DPF2: variants seen among roughly 807,000 people sequenced by gnomAD.
DPF2 encodes the protein double PHD fingers 2.
A neutral mutation model predicts 59.6 loss-of-function variants in DPF2; 10 were observed. That is an observed-to-expected ratio of 0.17 (90% CI 0.10 to 0.28). The LOEUF (loss-of-function observed/expected upper bound fraction) is 0.28, where lower values mean the gene tolerates loss of function less well. Among genes scored for constraint, DPF2 ranks in the 10% least tolerant of loss-of-function variants. The pLI is 1.00. For missense variants in DPF2, 315 were observed against 509.4 expected, an observed-to-expected ratio of 0.62 and a Z score of 3.67; for synonymous variants, 189 against 190.6, an observed-to-expected ratio of 0.99 and a Z score of 0.07.
intron 6 of DPF2, 178 bp downstream of exon 6, chr11:65,344,247 C>T (rs567348552): frequency 4.9e-5 from 32 of 656,406 alleles, no homozygotes; most frequent in Non-Finnish European, 7.4e-5. Context: ...TGCTATATGA[C>T]GGGTGGGACC....
intron 1 of DPF2, 84 bp downstream of exon 1, chr11:65,334,002 C>G: frequency 6.4e-7 from 1 of 1,556,324 alleles, no homozygotes; most frequent in Non-Finnish European, 8.7e-7. Context: ...AGGGACTAGG[C>G]GGAGAGAGGG....
At chr11:65,342,966 C>T (rs1200514014) in intron 4 of DPF2, among the ~76,000 whole-genome samples, 3 of 148,724 alleles carry the variant, frequency 2.0e-5, no homozygotes, top group Non-Finnish European at 3.0e-5. Flanking sequence ...TGCACTCCAG[C>T]CTAGGTGACA....
intron 6 of DPF2, 26 bp from the exon 7 acceptor site, chr11:65,345,640 T>G (rs983693704): frequency 6.2e-7 from 1 of 1,613,508 alleles, no homozygotes; most frequent in Non-Finnish European, 8.5e-7. Context: ...CCTAACACCT[T>G]TCTCTGCAAT....
In DPF2 at chr11:65,348,737, C is replaced by T. The variant is rs1590938963; in HGVS notation, c.1018-113C>T. On this transcript the variant is annotated intron_variant, in intron 9 of 10. Transcript: ENST00000528416. ...GCAGCATGGTTTCCCACATAAGATT[C>T]TCACATCTGTTCTTACCTGCTACCT... 3 of 946,224 alleles carry T rather than the reference C, an allele frequency of 3.2e-6. No homozygotes were observed. In the East Asian group the frequency reaches 7.9e-5, roughly 25 times the overall value. 58.6% of individuals were successfully genotyped at this position (946,224 alleles called of 1,614,324 possible).
chr11:65,336,957 G>C (rs762382922), intron 1 of DPF2, among the ~76,000 whole-genome samples: 5 of 151,760 alleles, frequency 3.3e-5, no homozygotes, highest in Non-Finnish European at 4.4e-5. Context: ...GCATGGTGGC[G>C]TGCACCTGTA....
At chr11:65,344,552 T>A (rs1854473881) in intron 6 of DPF2, 4 of 1,535,622 alleles carry the variant, frequency 2.6e-6, no homozygotes, top group Non-Finnish European at 3.5e-6. Flanking sequence ...AAGGCCTTCT[T>A]CTCATGACTT....
intron 10 of DPF2, among the ~76,000 whole-genome samples, chr11:65,350,947 C>G (rs1854678814): frequency 3.3e-5 from 5 of 151,132 alleles, no homozygotes; most frequent in Admixed American, 3.3e-4. Flanking sequence ...CTGCTGTACT[C>G]CAGCCTGAGC....
intron 4 of DPF2, among the ~76,000 whole-genome samples, chr11:65,342,202 T>C (rs569751563): frequency 1.3e-5 from 2 of 152,342 alleles, no homozygotes; most frequent in Non-Finnish European, 2.9e-5. Flanking sequence ...ACATTTGCCT[T>C]ATCTGTCTTT....
chr11:65,342,672 G>T (rs541404049), intron 4 of DPF2, among the ~76,000 whole-genome samples: 4 of 152,246 alleles, frequency 2.6e-5, no homozygotes, highest in African/African-American at 7.2e-5. Context: ...TATGGGGTAG[G>T]TCCTGTGTTC....
intron 5 of DPF2, 27 bp downstream of exon 5, chr11:65,343,864 C>A (rs1460359855): frequency 6.3e-7 from 1 of 1,583,258 alleles, no homozygotes; most frequent in Non-Finnish European, 8.6e-7. Context: ...CTGCCTGCAT[C>A]TTGGGACAGG....
intron 1 of DPF2, among the ~76,000 whole-genome samples, chr11:65,335,187 C>T (rs1474121859): frequency 6.6e-6 from 1 of 152,046 alleles, no homozygotes; most frequent in Non-Finnish European, 1.5e-5. Context: ...CCAGTTTCCC[C>T]AGCTCTTTCT....
chr11:65,340,632 GTTTTCCCTACTGCC>G, intron 2 of DPF2, 87 bp downstream of exon 2: 2 of 1,543,624 alleles, frequency 1.3e-6, no homozygotes, highest in East Asian at 4.5e-5. Flanking sequence ...AGTTGATAGG[GTTTTCCCTACTGCC>G]TTCCACCTAT....
chr11:65,343,322 A>AG (rs1362772041), intron 4 of DPF2, among the ~76,000 whole-genome samples: 1 of 150,352 alleles, frequency 6.7e-6, no homozygotes, highest in Non-Finnish European at 1.5e-5. Context: ...AAAAAAAAAA[A>AG]GCTTCCCACA....
chr11:65,337,541 A>AGG (rs1565528032), intron 1 of DPF2, among the ~76,000 whole-genome samples: 38 of 137,262 alleles, frequency 2.8e-4, no homozygotes, highest in African/African-American at 9.9e-4. Flanking sequence ...AGAGAGAGAG[A>AGG]GAGAGAACAA....
At chr11:65,351,552 C>A (rs562372659) in intron 10 of DPF2, 131 bp from the exon 11 acceptor site, 17 of 741,894 alleles carry the variant, frequency 2.3e-5, no homozygotes, top group African/African-American at 1.9e-4. Context: ...ATGGAACTTT[C>A]CTGCTGCAGA....
At chr11:65,336,687 G>A (rs1431142179) in intron 1 of DPF2, among the ~76,000 whole-genome samples, 2 of 150,168 alleles carry the variant, frequency 1.3e-5, no homozygotes, top group South Asian at 4.2e-4. Flanking sequence ...TACTCAGGAC[G>A]CTGAGGGAAG....
intron 1 of DPF2, among the ~76,000 whole-genome samples, chr11:65,337,619 T>A (rs1183621358): frequency 6.7e-6 from 1 of 150,144 alleles, no homozygotes; most frequent in African/African-American, 2.4e-5. Context: ...TTTTTTGTTT[T>A]AAGAGACAGA....
At chr11:65,347,397 T>G (rs1212822900) in intron 9 of DPF2, 1 of 152,044 alleles carries the variant, frequency 6.6e-6, no homozygotes, top group Non-Finnish European at 1.5e-5. Context: ...TGACGCGATC[T>G]TAGCTCACTA....
chr11:65,342,345 G>A (rs1854398670), intron 4 of DPF2, among the ~76,000 whole-genome samples: 1 of 152,056 alleles, frequency 6.6e-6, no homozygotes, highest in Non-Finnish European at 1.5e-5. Context: ...AGCTACTCAG[G>A]AGGCTGAGGT....
Sources: gnomAD v4.1 joint callset for allele counts (sites outside exome capture counted in the v4.1 genomes callset) on GRCh38, gnomAD v4.1.1 for gene constraint, MANE v1.5 for transcripts, NCBI Gene and HGNC (gene_info 2026-07-23, HGNC 2026-07-21) for gene names.